The following DAB1 variants were observed in gnomAD, a reference collection of about 807,000 sequenced individuals.
The protein encoded by DAB1 is disabled homolog 1.
In DAB1, 15 loss-of-function variants were observed where a neutral mutation model predicts 64.6. The observed-to-expected ratio is 0.23, with a 90% CI of 0.16 to 0.36. The LOEUF is 0.36. Ranked by LOEUF, DAB1 falls within the 10% of genes least tolerant of loss-of-function variation. The pLI, the probability that DAB1 is intolerant of heterozygous loss-of-function variation, is 1.00. For missense variants in DAB1, 596 were observed against 706.7 expected (o/e 0.84, Z 1.78); for synonymous variants, 235 against 251.9 (o/e 0.93, Z 0.64).
chr1:57,078,767 G>C (rs1340883136), intron 4 of DAB1, among the ~76,000 whole-genome samples: 1 of 152,194 alleles, frequency 6.6e-6, no homozygotes, highest in Admixed American at 6.5e-5. Context: ...TCTCTGGAAG[G>C]CTGCTTGGCA....
chr1:57,213,921 A>G (rs1666220346), intron 2 of DAB1, among the ~76,000 whole-genome samples: 1 of 152,198 alleles, frequency 6.6e-6, no homozygotes, highest in African/African-American at 2.4e-5. Flanking sequence ...CATGCTAGGC[A>G]CTGGGGTCTT....
intron 7 of DAB1, among the ~76,000 whole-genome samples, chr1:57,553,458 A>AAGAAAGAGAG (rs1458260279): frequency 7.6e-6 from 1 of 132,138 alleles, no homozygotes; most frequent in African/African-American, 3.0e-5. Flanking sequence ...GAAAGAAAGA[A>AAGAAAGAGAG]AGAGAAAGGG....
intron 6 of DAB1, among the ~76,000 whole-genome samples, chr1:57,695,416 GAAAGAAAGAAAGAAAGAAAA>G (rs1646831717): frequency 8.3e-6 from 1 of 120,338 alleles, no homozygotes; most frequent in Admixed American, 8.0e-5. Context: ...AAGAAAGAAA[GAAAGAAAGAAAGAAAGAAAA>G]AAGAAGAAAA....
chr1:57,926,892 A>T (rs1240732078), intron 5 of DAB1, among the ~76,000 whole-genome samples: 1 of 152,186 alleles, frequency 6.6e-6, no homozygotes, highest in South Asian at 2.1e-4. Context: ...ACAGTCAATT[A>T]CCTTTGATAA....
chr1:57,933,213 G>A (rs939802372), intron 5 of DAB1, among the ~76,000 whole-genome samples: 2 of 152,164 alleles, frequency 1.3e-5, no homozygotes, highest in African/African-American at 4.8e-5. Flanking sequence ...TCCTATGCTG[G>A]CCCTGGTTCC....
At chr1:57,602,623 G>GCC (rs1012247796) in intron 7 of DAB1, among the ~76,000 whole-genome samples, 9 of 152,224 alleles carry the variant, frequency 5.9e-5, no homozygotes, top group African/African-American at 2.2e-4. Flanking sequence ...CAGGTAGTTA[G>GCC]AAGTTTGGCA....
intron 7 of DAB1, among the ~76,000 whole-genome samples, chr1:57,494,034 G>A (rs995469294): frequency 6.6e-6 from 1 of 152,034 alleles, no homozygotes; most frequent in African/African-American, 2.4e-5. Flanking sequence ...TGCGTGTGGG[G>A]GTCTGGTGTG....
intron 4 of DAB1, among the ~76,000 whole-genome samples, chr1:58,221,902 T>C (rs145433144): frequency 1.3e-3 from 191 of 152,340 alleles, no homozygotes; most frequent in African/African-American, 4.4e-3. Flanking sequence ...GCAGGTTCCA[T>C]AGTCCTATAA....
chr1:57,660,361 G>A lies in DAB1; in HGVS notation n.552-10696C>T, dbSNP rs576504997. On this transcript the variant is annotated intron_variant and non_coding_transcript_variant, in intron 6 of 20. Coordinates refer to the DAB1 transcript ENST00000485760. ...TCTTAGTCAAAGGCTCTTCCACCAA[G>A]CTGTGTCTGATCAGCCGGCCTCTTC... 1.0e-3 allele frequency among the ~76,000 whole-genome samples: 157 copies of A among 152,274 alleles called. 1 individual carries two copies. The highest frequency in any genetic ancestry group is 3.6e-3 in the African/African-American group (148 of 41,566).
intron 7 of DAB1, among the ~76,000 whole-genome samples, chr1:57,565,701 G>A (rs1395417732): frequency 1.3e-5 from 2 of 152,178 alleles, no homozygotes; most frequent in South Asian, 2.1e-4. Flanking sequence ...ATGGTAAAGG[G>A]GTCAATTCAA....
intron 5 of DAB1, among the ~76,000 whole-genome samples, chr1:57,968,489 T>C (rs1471352099): frequency 6.6e-6 from 1 of 152,122 alleles, no homozygotes; most frequent in Non-Finnish European, 1.5e-5. Context: ...CAAACCTCTG[T>C]CTGTCAGCTC....
At chr1:57,546,105 A>T in intron 7 of DAB1, among the ~76,000 whole-genome samples, 1 of 150,634 alleles carries the variant, frequency 6.6e-6, no homozygotes, top group South Asian at 2.1e-4. Context: ...GTGTGCGCGC[A>T]CGTGTGCATG....
intron 9 of DAB1, among the ~76,000 whole-genome samples, chr1:57,060,633 G>A (rs1355316736): frequency 6.6e-6 from 1 of 152,190 alleles, no homozygotes; most frequent in African/African-American, 2.4e-5. Flanking sequence ...GCTGTTCAGA[G>A]CGAAAGTCCA....
intron 5 of DAB1, among the ~76,000 whole-genome samples, chr1:57,985,225 A>C (rs747351046): frequency 1.6e-4 from 25 of 151,990 alleles, no homozygotes; most frequent in Non-Finnish European, 3.1e-4. Context: ...GTATCTTAAT[A>C]CCTCTCTAAT....
At chr1:57,183,022 G>A (rs997496801) in intron 2 of DAB1, among the ~76,000 whole-genome samples, 2 of 152,186 alleles carry the variant, frequency 1.3e-5, no homozygotes, top group African/African-American at 2.4e-5. Flanking sequence ...CTGATACATA[G>A]AAGTTCTGTC....
chr1:57,412,833 T>C (rs996687571), intron 1 of DAB1, among the ~76,000 whole-genome samples: 1 of 152,232 alleles, frequency 6.6e-6, no homozygotes, highest in African/African-American at 2.4e-5. Flanking sequence ...CAACAAGTTA[T>C]CCTGAAGATC....
At chr1:58,286,347 G>A (rs1452351311) in intron 4 of DAB1, among the ~76,000 whole-genome samples, 3 of 152,138 alleles carry the variant, frequency 2.0e-5, no homozygotes, top group African/African-American at 7.2e-5. Context: ...CTTCTGCACA[G>A]CAAAAGAAAC....
intron 6 of DAB1, among the ~76,000 whole-genome samples, chr1:57,657,913 C>T (rs894751707): frequency 3.9e-5 from 6 of 152,154 alleles, no homozygotes; most frequent in East Asian, 1.9e-4. Context: ...CATAAATCTT[C>T]GACCCCTAGT....
At chr1:57,468,043 C>T (rs555805021) in intron 7 of DAB1, among the ~76,000 whole-genome samples, 2 of 152,300 alleles carry the variant, frequency 1.3e-5, no homozygotes, top group Admixed American at 1.3e-4. Flanking sequence ...CTCCCCTGGC[C>T]CCATGCCCTT....
Sources: gnomAD v4.1 joint callset for allele counts (sites outside exome capture counted in the v4.1 genomes callset) on GRCh38, gnomAD v4.1.1 for gene constraint, MANE v1.5 for transcripts, NCBI Gene and HGNC (gene_info 2026-07-23, HGNC 2026-07-21) for gene names.